The following MIPOL1 variants were observed in gnomAD, a reference collection of about 807,000 sequenced individuals.
MIPOL1 encodes the protein mirror-image polydactyly 1, also known as mirror-image polydactyly gene 1 protein.
MIPOL1 carries 57 observed loss-of-function variants against 60.9 expected under a neutral mutation model. The observed-to-expected ratio is 0.94, with a 90% CI of 0.76 to 1.17. The LOEUF (loss-of-function observed/expected upper bound fraction) is 1.17, where lower values mean the gene tolerates loss of function less well. MIPOL1 is among the 50% of genes most tolerant of loss of function. The pLI is 0.00. For synonymous variants in MIPOL1, 179 were observed against 168.8 expected (o/e 1.06, Z -0.47); for missense variants, 551 against 511.6 (o/e 1.08, Z -0.74).
intron 9 of MIPOL1, among the ~76,000 whole-genome samples, chr14:37,357,989 A>G (rs2091962123): frequency 6.7e-6 from 1 of 149,940 alleles, no homozygotes; most frequent in Non-Finnish European, 1.5e-5. Context: ...TCCCTCCCCC[A>G]GCTTCCTGCC....
At chr14:37,219,522 GCC>G (rs1191830630) in intron 1 of MIPOL1, 1 of 152,120 alleles carries the variant, frequency 6.6e-6, no homozygotes, top group Admixed American at 6.6e-5. Context: ...GTGCCACCAT[GCC>G]TGCCTAAAAT....
intron 12 of MIPOL1, among the ~76,000 whole-genome samples, chr14:37,517,571 T>G (rs1277897467): frequency 6.6e-6 from 1 of 152,090 alleles, no homozygotes; most frequent in Non-Finnish European, 1.5e-5. Flanking sequence ...AATATAAACC[T>G]CCATGCGTAT....
In MIPOL1 at chr14:37,438,739, A is replaced by G. The variant is rs149663883; in HGVS notation, c.1031+15790A>G. 4.5e-3 allele frequency among the ~76,000 whole-genome samples: 691 copies of G among 152,334 alleles called. 3 individuals carry two copies. Among genetic ancestry groups the G allele is most frequent in the Middle Eastern group, 0.01 (3 of 294 alleles). On this transcript the variant is annotated intron_variant, in intron 11 of 12. Coordinates refer to ENST00000684589, the MANE Select transcript of MIPOL1 (RefSeq NM_001388067.1). ...CTTTGTCTGTGTTCAACCAAACTGC[A>G]CAAATTACAACCACAGTTGATGTCT... is the stretch of plus-strand genomic sequence containing the variant.
intron 10 of MIPOL1, among the ~76,000 whole-genome samples, chr14:37,408,984 A>G (rs745957551): frequency 1.3e-5 from 2 of 152,166 alleles, no homozygotes; most frequent in Non-Finnish European, 2.9e-5. Context: ...CGCTAAGAAA[A>G]CACATCTATA....
chr14:37,362,702 T>A (rs2092317617), intron 9 of MIPOL1, among the ~76,000 whole-genome samples: 1 of 152,206 alleles, frequency 6.6e-6, no homozygotes, highest in South Asian at 2.1e-4. Flanking sequence ...CTGAAGAGTG[T>A]TTTCCAACTT....
chr14:37,332,321 C>A (rs955226789), intron 9 of MIPOL1, among the ~76,000 whole-genome samples: 2 of 152,034 alleles, frequency 1.3e-5, no homozygotes, highest in African/African-American at 2.4e-5. Flanking sequence ...ATGATTATAT[C>A]AGTTTTGTCC....
At chr14:37,473,056 G>A (rs2094713338) in intron 11 of MIPOL1, among the ~76,000 whole-genome samples, 1 of 152,178 alleles carries the variant, frequency 6.6e-6, no homozygotes, top group Non-Finnish European at 1.5e-5. Flanking sequence ...GTGTGGTGGT[G>A]CTGGGAGGTG....
chr14:37,242,600 G>A (rs919384411), intron 1 of MIPOL1, among the ~76,000 whole-genome samples: 13 of 151,902 alleles, frequency 8.6e-5, no homozygotes, highest in Admixed American at 2.0e-4. Flanking sequence ...CTCTATTGAC[G>A]GACATTTATG....
intron 9 of MIPOL1, among the ~76,000 whole-genome samples, chr14:37,314,981 G>A (rs923637189): frequency 6.6e-6 from 1 of 152,130 alleles, no homozygotes; most frequent in African/African-American, 2.4e-5. Flanking sequence ...TTACTCATAT[G>A]GAACTTATGT....
At chr14:37,403,885 C>T (rs2093539111) in intron 10 of MIPOL1, among the ~76,000 whole-genome samples, 1 of 152,142 alleles carries the variant, frequency 6.6e-6, no homozygotes, top group African/African-American at 2.4e-5. Flanking sequence ...TCCTTGTTTT[C>T]AGAAAGGCAG....
In MIPOL1 at chr14:37,479,569, A is replaced by C. The variant is rs532037897; in HGVS notation, c.1032-20339A>C. Among the ~76,000 whole-genome samples, 93 of 152,252 alleles carry C rather than the reference A, an allele frequency of 6.1e-4. No individual in the cohort carries two copies. The Middle Eastern group carries it at 0.031, about 50-fold the overall frequency. Reference sequence around the variant, plus strand: ...CTTCTAAGGAAATTTTACAGCAATAAATGCCCATATCAAAAAAGAAGACAT... The same window carrying C: ...CTTCTAAGGAAATTTTACAGCAATACATGCCCATATCAAAAAAGAAGACAT... On this transcript the variant is annotated intron_variant, in intron 11 of 12. Coordinates refer to ENST00000684589, the MANE Select transcript of MIPOL1 (RefSeq NM_001388067.1).
chr14:37,203,969 C>T (rs761395001), intron 1 of MIPOL1, among the ~76,000 whole-genome samples: 5 of 151,894 alleles, frequency 3.3e-5, no homozygotes, highest in South Asian at 4.2e-4. Context: ...TTTTTAGTAG[C>T]GACAGGGTTT....
chr14:37,436,251 G>T (rs1485367229), intron 11 of MIPOL1, among the ~76,000 whole-genome samples: 2 of 152,122 alleles, frequency 1.3e-5, no homozygotes, highest in Admixed American at 1.3e-4. Context: ...GGTTAGAGAT[G>T]AAGAGGGTGC....
intron 12 of MIPOL1, chr14:37,503,706 C>T (rs1273587310): frequency 6.6e-6 from 1 of 151,992 alleles, no homozygotes; most frequent in Admixed American, 6.6e-5. Flanking sequence ...AATTTACGGG[C>T]AAAATAACCA....
At chr14:37,505,193 TC>T (rs1250387111) in intron 12 of MIPOL1, 1 of 152,166 alleles carries the variant, frequency 6.6e-6, no homozygotes, top group Non-Finnish European at 1.5e-5. Flanking sequence ...GCTGGTACCA[TC>T]CCTTCTGAAA....
At chr14:37,307,906 A>C in intron 7 of MIPOL1, 150 bp from the exon 8 acceptor site, 1 of 622,668 alleles carries the variant, frequency 1.6e-6, no homozygotes. Flanking sequence ...GGAGTCGAGC[A>C]GGTGGCACTT....
At chr14:37,437,528 A>T (rs1330782949) in intron 11 of MIPOL1, among the ~76,000 whole-genome samples, 1 of 152,204 alleles carries the variant, frequency 6.6e-6, no homozygotes, top group Non-Finnish European at 1.5e-5. Flanking sequence ...ATATATTTCT[A>T]AATCTACTTT....
intron 12 of MIPOL1, among the ~76,000 whole-genome samples, chr14:37,500,969 C>G (rs1594753796): frequency 6.6e-6 from 1 of 152,180 alleles, no homozygotes; most frequent in African/African-American, 2.4e-5. Context: ...CAGTTTTACA[C>G]TGTGAAGCAG....
intron 11 of MIPOL1, among the ~76,000 whole-genome samples, chr14:37,438,109 G>A (rs2153564221): frequency 6.6e-6 from 1 of 152,158 alleles, no homozygotes; most frequent in East Asian, 1.9e-4. Flanking sequence ...TTGATTAACA[G>A]TTTGTTTTCA....
Sources: allele counts gnomAD v4.1 joint callset (sites outside exome capture counted in the v4.1 genomes callset), GRCh38; gene constraint gnomAD v4.1.1; transcripts MANE v1.5; gene names NCBI Gene and HGNC (gene_info 2026-07-23, HGNC 2026-07-21).